Variants in KIF3A observed in about 807,000 individuals in gnomAD.
KIF3A encodes the protein kinesin-like protein KIF3A.
KIF3A carries 27 observed loss-of-function variants against 92.6 expected under a neutral mutation model. That is an observed-to-expected ratio of 0.29 (90% CI 0.21 to 0.40). The LOEUF (loss-of-function observed/expected upper bound fraction) is 0.40, where lower values mean the gene tolerates loss of function less well. KIF3A is among the 10% of genes least tolerant of loss of function. The pLI, the probability that KIF3A is intolerant of heterozygous loss-of-function variation, is 1.00. For missense variants in KIF3A, 581 were observed against 872.6 expected (o/e 0.67, Z 4.21); for synonymous variants, 250 against 275.4 (o/e 0.91, Z 0.92).
At chr5:132,712,517 G>A (rs1441088876) in intron 8 of KIF3A, among the ~76,000 whole-genome samples, 1 of 152,088 alleles carries the variant, frequency 6.6e-6, no homozygotes, top group Non-Finnish European at 1.5e-5. Flanking sequence ...CACTAAACAA[G>A]GAAGAAATGA....
chr5:132,712,754 C>G (rs529323434), intron 8 of KIF3A, among the ~76,000 whole-genome samples: 1 of 152,098 alleles, frequency 6.6e-6, no homozygotes, highest in Non-Finnish European at 1.5e-5. Flanking sequence ...TAGACAAACC[C>G]AAATTAATGA....
chr5:132,733,530 A>C (rs2149923771), intron 2 of KIF3A, among the ~76,000 whole-genome samples: 1 of 152,382 alleles, frequency 6.6e-6, no homozygotes. Context: ...GGGCTTTGAA[A>C]GGCCTCAGTA....
At chr5:132,717,959 T>G (rs943602625) in intron 5 of KIF3A, among the ~76,000 whole-genome samples, 1 of 152,154 alleles carries the variant, frequency 6.6e-6, no homozygotes, top group Admixed American at 6.5e-5. Context: ...GTTAAAATTT[T>G]TAATTAAATA....
chr5:132,691,244 A>G (rs968585640), downstream of KIF3A, among the ~76,000 whole-genome samples: 6 of 152,174 alleles, frequency 3.9e-5, no homozygotes, highest in Non-Finnish European at 8.8e-5. Flanking sequence ...GGATAACAAA[A>G]TTCAGATAGA....
Position 132,692,953 on chromosome 5 carries a change from G to C in KIF3A, c.*3681C>G, listed in dbSNP as rs1022924613. 1 of 152,562 alleles carries C rather than the reference G, an allele frequency of 6.6e-6. No individual in the cohort carries two copies. Among genetic ancestry groups the C allele is most frequent in the Non-Finnish European group, 1.5e-5 (1 of 68,016 alleles). The allele number at this position is 152,562 out of a possible 1,614,324, so 9.5% of individuals were successfully genotyped here. On this transcript the variant is annotated 3_prime_UTR_variant, in exon 19 of 19. Transcript: ENST00000403231. ...ACATTAGGAAATTGGGCAGACATTG[G>C]TGTACTTAAATGTAAACGCTACCCA...
chr5:132,720,773 G>C (rs1219186538), intron 4 of KIF3A, 59 bp from the exon 5 acceptor site: 8 of 950,480 alleles, frequency 8.4e-6, no homozygotes, highest in Non-Finnish European at 1.3e-5. Context: ...TATTTATTGA[G>C]TATCTCCTAT....
At position 132,718,777 on chromosome 5, in the gene KIF3A, C is replaced by A. The variant is rs369088956; in HGVS notation, c.617-1793G>T. On this transcript the variant is annotated intron_variant, in intron 5 of 18. Transcript: ENST00000403231. ...AAGTAGCTGGGATTATAGGCGTAAGCCACCACGTCTGGCTGATTTTTTTGT... is the reference window on the plus strand; with the variant it reads ...AAGTAGCTGGGATTATAGGCGTAAGACACCACGTCTGGCTGATTTTTTTGT... Among the ~76,000 whole-genome samples, 29 of 152,274 alleles carry A rather than the reference C, an allele frequency of 1.9e-4. No homozygotes were observed. In the South Asian group the frequency reaches 5.4e-3, roughly 28 times the overall value.
chr5:132,719,434 C>T (rs577586223), intron 5 of KIF3A, among the ~76,000 whole-genome samples: 2 of 152,018 alleles, frequency 1.3e-5, no homozygotes, highest in Admixed American at 6.6e-5. Context: ...ATATATCTAT[C>T]GTCAAGTCAC....
intron 1 of KIF3A, among the ~76,000 whole-genome samples, 196 bp downstream of exon 1, chr5:132,737,218 C>T (rs1754427746): frequency 6.6e-6 from 1 of 152,238 alleles, no homozygotes; most frequent in Non-Finnish European, 1.5e-5. Flanking sequence ...ACCCCAGGTC[C>T]CTGTCGAGGC....
At chr5:132,703,777 CCATT>C in intron 11 of KIF3A, 158 bp from the exon 12 acceptor site, 1 of 569,856 alleles carries the variant, frequency 1.8e-6, no homozygotes. Context: ...TCATGCATTT[CCATT>C]TATTATGCTC....
In KIF3A at chr5:132,700,287, C is replaced by A. The variant is rs749034898; in HGVS notation, c.1939-3G>T. 6.4e-7 allele frequency: 1 copy of A among 1,568,280 alleles called. No individual in the cohort carries two copies. The highest frequency in any genetic ancestry group is 8.7e-7 in the Non-Finnish European group (1 of 1,151,092). ...TTTCCTGTATAAGCAACACATTTCTCAAAAAAAGAAAAGGGAGAGACAGAG... is the reference window on the plus strand; with the variant it reads ...TTTCCTGTATAAGCAACACATTTCTAAAAAAAAGAAAAGGGAGAGACAGAG... On this transcript the variant is annotated splice_region_variant and splice_polypyrimidine_tract_variant and intron_variant, in intron 16 of 18. Coordinates refer to ENST00000403231, the MANE Select transcript of KIF3A (RefSeq NM_001300791.2).
intron 2 of KIF3A, among the ~76,000 whole-genome samples, chr5:132,727,788 G>A (rs1387458807): frequency 1.3e-5 from 2 of 152,190 alleles, no homozygotes; most frequent in Non-Finnish European, 2.9e-5. Context: ...CAGAGGGCTG[G>A]AGTAGTTGGT....
chr5:132,712,949 GAGGAT>G (rs1426875368), intron 8 of KIF3A, among the ~76,000 whole-genome samples: 1 of 152,162 alleles, frequency 6.6e-6, no homozygotes, highest in Non-Finnish European at 1.5e-5. Context: ...CACGAGGTCA[GAGGAT>G]AAAGACCATC....
At chr5:132,737,271 C>T in intron 1 of KIF3A, 143 bp downstream of exon 1, 1 of 929,812 alleles carries the variant, frequency 1.1e-6, no homozygotes, top group Non-Finnish European at 1.5e-6. Flanking sequence ...GCCAGGCTCT[C>T]CAACCACCTC....
chr5:132,696,505 C>T lies in KIF3A; in HGVS notation c.*129G>A. The T allele has an allele frequency of 1.6e-6, 1 of 643,194 alleles. No homozygotes were observed. The highest frequency in any genetic ancestry group is 2.8e-6 in the Non-Finnish European group (1 of 352,908). The allele number at this position is 643,194 out of a possible 1,614,324, so 39.8% of individuals were successfully genotyped here. A position where few individuals can be genotyped will look rare whatever the true frequency, so the allele number is the denominator to read the frequency against. On this transcript the variant is annotated 3_prime_UTR_variant, in exon 19 of 19. Transcript: ENST00000403231. ...AAGTTCTTAAGCAAATTATTATTTC[C>T]AGTCTTATTCATTGATCTACAACTT...
At chr5:132,721,512 T>TATGA (rs1753823514) in intron 4 of KIF3A, 2 of 152,242 alleles carry the variant, frequency 1.3e-5, no homozygotes, top group Admixed American at 1.3e-4. Flanking sequence ...GAAGACCTCA[T>TATGA]AGACATCGAA....
intron 1 of KIF3A, 48 bp from the exon 2 acceptor site, chr5:132,734,526 CCCT>C (rs1754331047): frequency 4.0e-6 from 6 of 1,516,776 alleles, no homozygotes; most frequent in Non-Finnish European, 5.3e-6. Flanking sequence ...TTAATTTTTA[CCCT>C]CATCAGATTA....
At position 132,730,118 on chromosome 5, in the gene KIF3A, G is replaced by T. The variant is rs190966785; in HGVS notation, c.281-3620C>A. ...TAAACAACCTTTTGCCAATGAATTT[G>T]ACAACTTAGATGAAACGGACTAATT... On this transcript the variant is annotated intron_variant, in intron 2 of 18. Transcript: ENST00000403231. Among the ~76,000 whole-genome samples, 381 of 152,318 alleles carry T rather than the reference G, an allele frequency of 2.5e-3. 5 individuals are homozygous for T. Among genetic ancestry groups the T allele is most frequent in the African/African-American group, 8.9e-3 (368 of 41,570 alleles).
chr5:132,725,964 G>C (rs1197156079), intron 4 of KIF3A, among the ~76,000 whole-genome samples, 164 bp downstream of exon 4: 1 of 152,046 alleles, frequency 6.6e-6, no homozygotes, highest in Non-Finnish European at 1.5e-5. Context: ...TCCTGCTTCA[G>C]TAATTTATCC....
Sources: allele counts gnomAD v4.1 joint callset (sites outside exome capture counted in the v4.1 genomes callset), GRCh38; gene constraint gnomAD v4.1.1; transcripts MANE v1.5; gene names NCBI Gene and HGNC (gene_info 2026-07-23, HGNC 2026-07-21).